ARHGEF38: variants seen among roughly 807,000 people sequenced by gnomAD.
The protein encoded by ARHGEF38 is Rho guanine nucleotide exchange factor 38.
ARHGEF38 carries 79 observed loss-of-function variants against 79.9 expected under a neutral mutation model. That is an observed-to-expected ratio of 0.99 (90% CI 0.82 to 1.19). The LOEUF (loss-of-function observed/expected upper bound fraction) is 1.19, where lower values mean the gene tolerates loss of function less well. Ranked by LOEUF, ARHGEF38 falls within the 50% of genes most tolerant of loss-of-function variation. The pLI, the probability that ARHGEF38 is intolerant of heterozygous loss-of-function variation, is 0.00. For synonymous variants in ARHGEF38, 366 were observed against 328.3 expected (o/e 1.11, Z -1.24); for missense variants, 962 against 907.2 (o/e 1.06, Z -0.78).
chr4:105,581,699 G>A (rs1391490087), intron 1 of ARHGEF38, among the ~76,000 whole-genome samples: 1 of 151,622 alleles, frequency 6.6e-6, no homozygotes, highest in Non-Finnish European at 1.5e-5. Flanking sequence ...CTTGTTTCTT[G>A]CTTATAATTT....
intron 3 of ARHGEF38, among the ~76,000 whole-genome samples, 167 bp from the exon 4 acceptor site, chr4:105,630,731 G>C (rs971016304): frequency 2.0e-5 from 3 of 151,978 alleles, no homozygotes; most frequent in African/African-American, 7.2e-5. Context: ...AAAAAGGAAA[G>C]AAAAGGAAAA....
intron 2 of ARHGEF38, among the ~76,000 whole-genome samples, chr4:105,606,223 CA>C (rs1230581028): frequency 6.6e-6 from 1 of 152,060 alleles, no homozygotes; most frequent in Admixed American, 6.6e-5. Context: ...GGATTTACTG[CA>C]AAACTACACC....
chr4:105,658,770 G>A (rs1240833258), intron 9 of ARHGEF38, among the ~76,000 whole-genome samples: 1 of 152,146 alleles, frequency 6.6e-6, no homozygotes, highest in Non-Finnish European at 1.5e-5. Context: ...AAAGACTGTA[G>A]AGAAAAAAGT....
chr4:105,584,684 T>C (rs1726949427), intron 1 of ARHGEF38, among the ~76,000 whole-genome samples: 1 of 152,232 alleles, frequency 6.6e-6, no homozygotes. Context: ...TGTCTATCTA[T>C]ATATAACTTA....
chr4:105,635,423 T>A (rs942816872), intron 4 of ARHGEF38, among the ~76,000 whole-genome samples: 2 of 152,098 alleles, frequency 1.3e-5, no homozygotes, highest in African/African-American at 4.8e-5. Flanking sequence ...ATTTAGGTTT[T>A]ACTTGGCTAA....
chr4:105,601,203 C>T (rs546491711), intron 2 of ARHGEF38, among the ~76,000 whole-genome samples: 1 of 152,280 alleles, frequency 6.6e-6, no homozygotes, highest in East Asian at 1.9e-4. Flanking sequence ...TCTATTTTTA[C>T]CTTCTGACCT....
chr4:105,555,092 A>G (rs374619032), intron 1 of ARHGEF38, among the ~76,000 whole-genome samples: 1 of 152,216 alleles, frequency 6.6e-6, no homozygotes, highest in African/African-American at 2.4e-5. Context: ...GAGAGCAGAC[A>G]TGGGTTGGTT....
At chr4:105,596,810 T>C (rs990451523) in intron 2 of ARHGEF38, among the ~76,000 whole-genome samples, 2 of 152,218 alleles carry the variant, frequency 1.3e-5, no homozygotes, top group Non-Finnish European at 2.9e-5. Context: ...TGGGCATCCC[T>C]GGTGACCGTC....
At chr4:105,596,206 T>A (rs944168709) in intron 2 of ARHGEF38, among the ~76,000 whole-genome samples, 2 of 151,976 alleles carry the variant, frequency 1.3e-5, no homozygotes, top group African/African-American at 4.8e-5. Context: ...TCCTACAAAA[T>A]CTCTCCCTCA....
At chr4:105,670,238 A>C (rs2110581898) in intron 13 of ARHGEF38, among the ~76,000 whole-genome samples, 1 of 152,308 alleles carries the variant, frequency 6.6e-6, no homozygotes, top group South Asian at 2.1e-4. Flanking sequence ...ACCATTTTAG[A>C]TTCCTACCAG....
At chr4:105,632,104 C>T (rs1434747782) in intron 4 of ARHGEF38, among the ~76,000 whole-genome samples, 1 of 152,158 alleles carries the variant, frequency 6.6e-6, no homozygotes, top group Non-Finnish European at 1.5e-5. Flanking sequence ...CATGATACTA[C>T]TCTGGAGGAG....
At chr4:105,664,533 C>T (rs1319166818) in intron 10 of ARHGEF38, among the ~76,000 whole-genome samples, 1 of 152,178 alleles carries the variant, frequency 6.6e-6, no homozygotes, top group East Asian at 1.9e-4. Context: ...TTCTATACCC[C>T]CTTCAATACA....
chr4:105,613,255 A>C, intron 2 of ARHGEF38, 129 bp from the exon 3 acceptor site: 1 of 1,203,036 alleles, frequency 8.3e-7, no homozygotes, highest in South Asian at 2.4e-5. Flanking sequence ...GAATTCCTAA[A>C]TAAGAATGTT....
Position 105,645,206 on chromosome 4 carries a change from G to A in ARHGEF38, c.693G>A (p.Leu231=), listed in dbSNP as rs1729786661. ...ATTGTAGAGGCAAACCAAACTTATT[G>A]GACATGGGCTCTTTGATGATCAAAC... ...IYMQEGKPNL[L]DMGSLMIKPI... The change falls in exon 6 of 14, where the codon TTG becomes TTA. Residue 231 remains leucine, a synonymous_variant. Coordinates refer to ENST00000420470, the MANE Select transcript of ARHGEF38 (RefSeq NM_001242729.2). 3 of 1,520,570 alleles carry A rather than the reference G, an allele frequency of 2.0e-6. No homozygotes were observed. The African/African-American group carries it at 4.1e-5, about 21-fold the overall frequency. 94.2% of individuals were successfully genotyped at this position (1,520,570 alleles called of 1,614,324 possible). A position where few individuals can be genotyped will look rare whatever the true frequency, so the allele number is the denominator to read the frequency against.
In ARHGEF38 at chr4:105,634,684, G is replaced by A. The variant is rs570582717; in HGVS notation, c.657-1719G>A. 1.5e-4 allele frequency among the ~76,000 whole-genome samples: 23 copies of A among 151,212 alleles called. No individual in the cohort carries two copies. In the South Asian group the frequency reaches 4.8e-3, roughly 31 times the overall value. Reference sequence around the variant, plus strand: ...TGCATTTCAGAGGCCCCAGAGATCTGTTTATTTTGTAATAGAAAGAGAATG... The same window carrying A: ...TGCATTTCAGAGGCCCCAGAGATCTATTTATTTTGTAATAGAAAGAGAATG... On this transcript the variant is annotated intron_variant, in intron 4 of 13. Coordinates refer to ENST00000420470, the MANE Select transcript of ARHGEF38 (RefSeq NM_001242729.2).
In ARHGEF38 at chr4:105,590,126, GGAAA is replaced by G. The variant is rs1165625537; in HGVS notation, c.384+700_384+703del. Among the ~76,000 whole-genome samples the G allele has an allele frequency of 1.7e-3, 187 of 110,180 alleles. 2 individuals carry two copies. Among genetic ancestry groups the G allele is most frequent in the African/African-American group, 6.4e-3 (170 of 26,390 alleles). The allele number at this position is 110,180 out of a possible 152,430, so 72.3% of individuals were successfully genotyped here. A position where few individuals can be genotyped will look rare whatever the true frequency, so the allele number is the denominator to read the frequency against. On this transcript the variant is annotated intron_variant, in intron 2 of 13. Transcript: ENST00000420470. ...AGGAAGGAAGGAAGGAAGGAAGGAAGGAAAGAAAGAAAAAAAAGAAAGAAAGAAA... is the reference window on the plus strand; with the variant it reads ...AGGAAGGAAGGAAGGAAGGAAGGAAGGAAAGAAAAAAAAGAAAGAAAGAAA...
chr4:105,578,763 T>C (rs925609063), intron 1 of ARHGEF38, among the ~76,000 whole-genome samples: 3 of 152,212 alleles, frequency 2.0e-5, no homozygotes, highest in Non-Finnish European at 4.4e-5. Flanking sequence ...AATATCTTTT[T>C]CCACTTTTTT....
chr4:105,573,580 G>T (rs1001808275), intron 1 of ARHGEF38, among the ~76,000 whole-genome samples: 1 of 152,036 alleles, frequency 6.6e-6, no homozygotes, highest in African/African-American at 2.4e-5. Context: ...TGTTTCATTA[G>T]TCTGTATTTA....
At chr4:105,610,785 C>T (rs935746734) in intron 2 of ARHGEF38, among the ~76,000 whole-genome samples, 4 of 151,960 alleles carry the variant, frequency 2.6e-5, no homozygotes, top group Non-Finnish European at 5.9e-5. Flanking sequence ...ATTTGTGGCA[C>T]TAAGCTAAGA....
Sources: gnomAD v4.1 joint callset for allele counts (sites outside exome capture counted in the v4.1 genomes callset) on GRCh38, gnomAD v4.1.1 for gene constraint, MANE v1.5 for transcripts, NCBI Gene and HGNC (gene_info 2026-07-23, HGNC 2026-07-21) for gene names.